The following KSR2 variants were observed in gnomAD, a reference collection of about 807,000 sequenced individuals.
The protein encoded by KSR2 is kinase suppressor of ras 2.
Under a neutral mutation model 107.8 loss-of-function variants are expected in KSR2, and 25 were observed. The ratio of observed to expected loss-of-function variants is 0.23; its 90% CI spans 0.17 to 0.32. The LOEUF (loss-of-function observed/expected upper bound fraction) is 0.32, where lower values mean the gene tolerates loss of function less well. Ranked by LOEUF, KSR2 falls within the 10% of genes least tolerant of loss-of-function variation. The pLI is 1.00. For synonymous variants in KSR2, 480 were observed against 507.0 expected (o/e 0.95, Z 0.71); for missense variants, 887 against 1,268.9 (o/e 0.70, Z 4.57).
At chr12:117,693,037 G>A (rs1223704122) in intron 4 of KSR2, among the ~76,000 whole-genome samples, 3 of 152,188 alleles carry the variant, frequency 2.0e-5, no homozygotes, top group Non-Finnish European at 4.4e-5. Context: ...GTTTAAAGTG[G>A]TCGATCTCAC....
At chr12:117,742,077 A>G (rs1042308334) in intron 4 of KSR2, among the ~76,000 whole-genome samples, 3 of 152,198 alleles carry the variant, frequency 2.0e-5, no homozygotes, top group Non-Finnish European at 2.9e-5. Context: ...TGAGAACACC[A>G]CTTCGCTTCT....
chr12:117,669,443 T>C lies in KSR2; in HGVS notation c.987-1785A>G, dbSNP rs560313532. 5.9e-5 allele frequency among the ~76,000 whole-genome samples: 9 copies of C among 152,262 alleles called. No homozygotes were observed. The South Asian group carries it at 1.0e-3, about 18-fold the overall frequency. ...CCAATAACAGAGCTACTCGTCCACATGAGCACTTGAATTGTGGTGAGGCTT... is the reference window on the plus strand; with the variant it reads ...CCAATAACAGAGCTACTCGTCCACACGAGCACTTGAATTGTGGTGAGGCTT... On this transcript the variant is annotated intron_variant, in intron 4 of 19. Coordinates refer to ENST00000339824, the MANE Select transcript of KSR2 (RefSeq NM_173598.6).
At chr12:117,855,607 G>A (rs375096382) in intron 2 of KSR2, 29 bp from the exon 3 acceptor site, 1,063 of 1,612,426 alleles carry the variant, frequency 6.6e-4, no homozygotes, top group Non-Finnish European at 7.0e-4. Flanking sequence ...ATTGTCAACC[G>A]TGGGGCAGGA....
At chr12:117,909,645 G>A (rs1262566449) in intron 1 of KSR2, among the ~76,000 whole-genome samples, 1 of 152,012 alleles carries the variant, frequency 6.6e-6, no homozygotes, top group East Asian at 1.9e-4. Flanking sequence ...GCTCACACCT[G>A]TAATCCTAGC....
chr12:117,836,143 T>C (rs1306230134), intron 3 of KSR2, among the ~76,000 whole-genome samples: 1 of 152,046 alleles, frequency 6.6e-6, no homozygotes, highest in Non-Finnish European at 1.5e-5. Flanking sequence ...TTTTTTCTGC[T>C]CCAAAGTACT....
chr12:117,501,556 G>T (rs1174919923), intron 14 of KSR2, among the ~76,000 whole-genome samples: 1 of 152,226 alleles, frequency 6.6e-6, no homozygotes, highest in South Asian at 2.1e-4. Flanking sequence ...ACTGTGCCAG[G>T]TGTGGGGATA....
At chr12:117,471,103 G>A in intron 18 of KSR2, 88 bp downstream of exon 18, 3 of 1,508,274 alleles carry the variant, frequency 2.0e-6, no homozygotes, top group Non-Finnish European at 2.7e-6. Flanking sequence ...GAAAGCATTT[G>A]TAACCTTAAC....
At chr12:117,531,425 G>A (rs1875625151) in intron 11 of KSR2, among the ~76,000 whole-genome samples, 1 of 152,076 alleles carries the variant, frequency 6.6e-6, no homozygotes, top group Admixed American at 6.5e-5. Flanking sequence ...CTCGCCCAGT[G>A]TTCTACAGCA....
At chr12:117,667,785 C>T (rs1884729111) in intron 4 of KSR2, 127 bp from the exon 5 acceptor site, 1 of 763,826 alleles carries the variant, frequency 1.3e-6, no homozygotes, top group African/African-American at 1.8e-5. Context: ...TAGAAGAGCC[C>T]ACAGGCTTTT....
chr12:117,859,568 T>C (rs1893217976), intron 2 of KSR2, among the ~76,000 whole-genome samples: 1 of 151,088 alleles, frequency 6.6e-6, no homozygotes, highest in African/African-American at 2.4e-5. Flanking sequence ...GTGATCCTCC[T>C]CCCTCAGCCT....
chr12:117,479,461 G>T (rs1195656585), intron 16 of KSR2, among the ~76,000 whole-genome samples: 1 of 152,170 alleles, frequency 6.6e-6, no homozygotes, highest in Non-Finnish European at 1.5e-5. Flanking sequence ...GTTCTTTGTT[G>T]TTGGGGGACA....
intron 5 of KSR2, among the ~76,000 whole-genome samples, chr12:117,618,847 T>C (rs934594479): frequency 6.6e-6 from 1 of 152,208 alleles, no homozygotes; most frequent in African/African-American, 2.4e-5. Context: ...GTCTCGGATA[T>C]GTCTTTATCA....
chr12:117,761,261 G>T lies in KSR2; in HGVS notation c.736C>A (p.Arg246Ser). The change falls in exon 4 of 20, where the codon CGT (arginine) becomes AGT (serine). Residue 246 changes from arginine to serine, a missense_variant. By Grantham distance (110) the Arg-to-Ser change is moderately radical. This residue lies in a region of KSR2 where 399 missense variants were observed against 479.5 expected (regional missense o/e 0.83). Coordinates refer to ENST00000339824, the MANE Select transcript of KSR2 (RefSeq NM_173598.6). ...TGCCGGGGCGATGGGGGCAGGGAAC[G>T]GTGGCCCGACTCCAGTGGCGGGGGC... ...CPPPPLESGHRSLPPSPRQRH... is the reference protein window; with the variant it reads ...CPPPPLESGHSSLPPSPRQRH... 2.6e-6 allele frequency: 4 copies of T among 1,534,224 alleles called. No homozygotes were observed. The highest frequency in any genetic ancestry group is 3.5e-6 in the Non-Finnish European group (4 of 1,143,412).
intron 3 of KSR2, among the ~76,000 whole-genome samples, chr12:117,813,541 C>G (rs1289189983): frequency 1.3e-5 from 2 of 152,136 alleles, no homozygotes; most frequent in African/African-American, 4.8e-5. Flanking sequence ...AAGAAATGCT[C>G]AGCACCACTA....
chr12:117,503,390 T>C (rs1873496169), intron 14 of KSR2, among the ~76,000 whole-genome samples: 1 of 152,208 alleles, frequency 6.6e-6, no homozygotes, highest in African/African-American at 2.4e-5. Flanking sequence ...TTATGTTGCA[T>C]ATGTGACTGG....
chr12:117,657,808 T>C (rs1482697352), intron 5 of KSR2, among the ~76,000 whole-genome samples: 2 of 152,220 alleles, frequency 1.3e-5, no homozygotes, highest in African/African-American at 4.8e-5. Flanking sequence ...AACTATTTTG[T>C]GTGTGCTAGC....
At chr12:117,627,318 T>C (rs1203443430) in intron 5 of KSR2, among the ~76,000 whole-genome samples, 1 of 152,216 alleles carries the variant, frequency 6.6e-6, no homozygotes, top group Non-Finnish European at 1.5e-5. Flanking sequence ...TAATTTGGCA[T>C]GTTTTTGCAG....
chr12:117,718,273 A>T (rs11068645), intron 4 of KSR2, among the ~76,000 whole-genome samples: 61,773 of 152,014 alleles, frequency 0.41, 12,712 homozygotes, highest in Middle Eastern at 0.49. Flanking sequence ...AAAGTTTGGG[A>T]ATGCAAAGAG....
intron 5 of KSR2, among the ~76,000 whole-genome samples, chr12:117,641,019 CA>C (rs1883331707): frequency 6.6e-6 from 1 of 152,200 alleles, no homozygotes; most frequent in African/African-American, 2.4e-5. Context: ...GCTGCTGTAA[CA>C]AAGTACCACA....
Sources: allele counts gnomAD v4.1 joint callset (sites outside exome capture counted in the v4.1 genomes callset), GRCh38; gene constraint gnomAD v4.1.1; regional missense constraint gnomAD v4.1.1; transcripts MANE v1.5; gene names NCBI Gene and HGNC (gene_info 2026-07-23, HGNC 2026-07-21).